Variants in NHLRC4 observed in about 807,000 individuals in gnomAD.
The protein encoded by NHLRC4 is NHL-repeat-containing protein 4.
For missense variants in NHLRC4, 158 were observed against 155.4 expected (o/e 1.02, Z -0.09); for synonymous variants, 73 against 69.0 (o/e 1.06, Z -0.29).
In NHLRC4 at chr16:567,038, C is replaced by A. The variant is rs1264056686; in HGVS notation, c.-615C>A. ...TTTCCAACAACAGAGGCTGCAGCCA[C>A]CCAGCCCCGAAGCAGGGCCCAGCGA... On this transcript the variant is annotated 5_prime_UTR_variant, in exon 1 of 2. Coordinates refer to ENST00000424439, the MANE Select transcript of NHLRC4 (RefSeq NM_001301159.2). 1 of 154,598 alleles carries A rather than the reference C, an allele frequency of 6.5e-6. No homozygotes were observed. Among genetic ancestry groups the A allele is most frequent in the Non-Finnish European group, 1.5e-5 (1 of 68,234 alleles). 9.6% of individuals were successfully genotyped at this position (154,598 alleles called of 1,614,324 possible).
rs2035568950 is a variant in NHLRC4 at position 568,478 on chromosome 16, T to G, written c.*59T>G. On this transcript the variant is annotated 3_prime_UTR_variant, in exon 2 of 2. Transcript: ENST00000424439. ...TGAGGCCAGCTCCCAGGCCCTTGGA[T>G]CACCGCGGGAGGAACCCTCAGGATG... 1.3e-6 allele frequency: 2 copies of G among 1,539,920 alleles called. No homozygotes were observed. The highest frequency in any genetic ancestry group is 1.8e-6 in the Non-Finnish European group (2 of 1,142,310).
rs2035578594 is a variant in NHLRC4, at chr16:569,139, G to GCA, written c.*721_*722dup. ...GCTCCATGCTGTTTGTCCTCCCAGT[G>GCA]CAGCCGTGCTGGGAGGGTCTGGGGG... On this transcript the variant is annotated 3_prime_UTR_variant, in exon 2 of 2. Transcript: ENST00000424439. The GCA allele has an allele frequency of 1.2e-5, 2 of 166,966 alleles. No homozygotes were observed. 10.3% of individuals were successfully genotyped at this position (166,966 alleles called of 1,614,324 possible). A position where few individuals can be genotyped will look rare whatever the true frequency, so the allele number is the denominator to read the frequency against.
rs957047873 is a variant in NHLRC4 at position 567,824 on chromosome 16, C to T, written c.-224C>T. On this transcript the variant is annotated 5_prime_UTR_variant, in exon 2 of 2. Coordinates refer to ENST00000424439, the MANE Select transcript of NHLRC4 (RefSeq NM_001301159.2). ...GTTCCAGAGGACGTGGCTGTGACAG[C>T]GTCAGGGCTTGTGGTGGTCAGCGAT... 8.5e-5 allele frequency: 45 copies of T among 528,864 alleles called. No homozygotes were observed. The highest frequency in any genetic ancestry group is 6.2e-4 in the African/African-American group (32 of 51,234). 32.8% of individuals were successfully genotyped at this position (528,864 alleles called of 1,614,324 possible).
rs1410572198 is a variant in NHLRC4, at chr16:568,285, C to T, written c.238C>T (p.Pro80Ser). Residue 80 changes from proline to serine, a missense_variant, in exon 2 of 2, where the codon CCA becomes TCA. Pro to Ser is a moderately conservative substitution (Grantham distance 74). Transcript: ENST00000424439. Reference sequence around the variant, plus strand: ...GGTGACCCTGTTTCCCCGGGCTGGGCCACCCATCTGCCTGGTGTCAGAGGG... The same window carrying T: ...GGTGACCCTGTTTCCCCGGGCTGGGTCACCCATCTGCCTGGTGTCAGAGGG... ...RQVTLFPRAG[P>S]PICLVSEGLG... The T allele has an allele frequency of 6.2e-7, 1 of 1,612,044 alleles. No homozygotes were observed. The highest frequency in any genetic ancestry group is 1.7e-5 in the Admixed American group (1 of 59,876).
chr16:567,617 T>C lies in NHLRC4; in HGVS notation c.-431T>C. Reference sequence around the variant, plus strand: ...GGAGACTCCACGGGCTCCCGGCAGCTCCGGCTGCTTGGGTGGATCCGGGTG... The same window carrying C: ...GGAGACTCCACGGGCTCCCGGCAGCCCCGGCTGCTTGGGTGGATCCGGGTG... On this transcript the variant is annotated 5_prime_UTR_variant, in exon 2 of 2. Transcript: ENST00000424439. 5.8e-6 allele frequency: 1 copy of C among 172,228 alleles called. No homozygotes were observed. The highest frequency in any genetic ancestry group is 1.3e-5 in the Non-Finnish European group (1 of 78,828). 10.7% of individuals were successfully genotyped at this position (172,228 alleles called of 1,614,324 possible).
rs548319383 is a variant in NHLRC4, at chr16:568,934, A to G, written c.*515A>G. On this transcript the variant is annotated 3_prime_UTR_variant, in exon 2 of 2. Coordinates refer to ENST00000424439, the MANE Select transcript of NHLRC4 (RefSeq NM_001301159.2). ...GGGGTGTGGCCCCTAAATGTCCCCA[A>G]CCTCAGAGGGACCTAGAGTCCTGAG... The G allele has an allele frequency of 4.9e-5, 8 of 164,466 alleles. No homozygotes were observed. Among genetic ancestry groups the G allele is most frequent in the Admixed American group, 1.7e-4 (3 of 17,414 alleles). 10.2% of individuals were successfully genotyped at this position (164,466 alleles called of 1,614,324 possible). A position where few individuals can be genotyped will look rare whatever the true frequency, so the allele number is the denominator to read the frequency against.
rs759591094 is a variant in NHLRC4, at chr16:568,110, T to G, written c.63T>G (p.Ser21Arg). The G allele has an allele frequency of 6.3e-7, 1 of 1,585,994 alleles. No homozygotes were observed. The highest frequency in any genetic ancestry group is 8.6e-7 in the Non-Finnish European group (1 of 1,165,810). ...GGCCTGATGGGGGCCTTGCTGTGAG[T>G]GAGGAGTTTGGGGATGTGAGGCTGT... ...GPGPDGGLAV[S>R]EEFGDVRLFG... The change falls in exon 2 of 2, where the codon AGT becomes AGG. Residue 21 changes from serine to arginine, a missense_variant. Coordinates refer to ENST00000424439, the MANE Select transcript of NHLRC4 (RefSeq NM_001301159.2).
Position 567,943 on chromosome 16 carries a change from C to A in NHLRC4, c.-105C>A. On this transcript the variant is annotated 5_prime_UTR_variant, in exon 2 of 2. The change creates a new upstream start codon in the 5' untranslated region. Transcript: ENST00000424439. ...GGGCACCTTCCTGTCTCCCCGAGGG[C>A]TGGCTGTGGATGCCCTCAACCGCCT... The A allele has an allele frequency of 1.6e-6, 2 of 1,249,578 alleles. No homozygotes were observed. The highest frequency in any genetic ancestry group is 2.2e-6 in the Non-Finnish European group (2 of 928,670). 77.4% of individuals were successfully genotyped at this position (1,249,578 alleles called of 1,614,324 possible). A position where few individuals can be genotyped will look rare whatever the true frequency, so the allele number is the denominator to read the frequency against.
Position 567,589 on chromosome 16 carries a change from C to G in NHLRC4, c.-459C>G, listed in dbSNP as rs1270274534. On this transcript the variant is annotated 5_prime_UTR_variant, in exon 2 of 2. Transcript: ENST00000424439. The stretch of plus-strand genomic sequence containing the variant: ...GTGTCTGCACCTCACACTGGACCCA[C>G]CTGGAGACTCCACGGGCTCCCGGCA... 1 of 168,530 alleles carries G rather than the reference C, an allele frequency of 5.9e-6. No homozygotes were observed. The highest frequency in any genetic ancestry group is 1.3e-5 in the Non-Finnish European group (1 of 76,342). 10.4% of individuals were successfully genotyped at this position (168,530 alleles called of 1,614,324 possible).
In NHLRC4 at chr16:568,469, G is replaced by A. The variant is rs2035568833; in HGVS notation, c.*50G>A. 6.4e-7 allele frequency: 1 copy of A among 1,563,554 alleles called. No homozygotes were observed. Among genetic ancestry groups the A allele is most frequent in the Non-Finnish European group, 8.7e-7 (1 of 1,155,508 alleles). On this transcript the variant is annotated 3_prime_UTR_variant, in exon 2 of 2. Transcript: ENST00000424439. Reference sequence around the variant, plus strand: ...TCCTGTGCCTGAGGCCAGCTCCCAGGCCCTTGGATCACCGCGGGAGGAACC... The same window carrying A: ...TCCTGTGCCTGAGGCCAGCTCCCAGACCCTTGGATCACCGCGGGAGGAACC...
Position 567,904 on chromosome 16 carries a change from C to A in NHLRC4, c.-144C>A. The A allele has an allele frequency of 1.2e-6, 1 of 859,648 alleles. No individual in the cohort carries two copies. Among genetic ancestry groups the A allele is most frequent in the Non-Finnish European group, 1.7e-6 (1 of 576,506 alleles). The allele number at this position is 859,648 out of a possible 1,614,324, so 53.3% of individuals were successfully genotyped here. On this transcript the variant is annotated 5_prime_UTR_variant, in exon 2 of 2. Coordinates refer to ENST00000424439, the MANE Select transcript of NHLRC4 (RefSeq NM_001301159.2). ...GCACACAGCCCGGGACCCCGGGGGCCACTGGGTGACAGTGGGCACCTTCCT... is the reference window on the plus strand; with the variant it reads ...GCACACAGCCCGGGACCCCGGGGGCAACTGGGTGACAGTGGGCACCTTCCT...
In NHLRC4 at chr16:569,311, G is replaced by A. The variant is rs1448840330; in HGVS notation, c.*892G>A. The A allele has an allele frequency of 6.0e-6, 1 of 167,112 alleles. No homozygotes were observed. Among genetic ancestry groups the A allele is most frequent in the Non-Finnish European group, 1.5e-5 (1 of 68,198 alleles). The allele number at this position is 167,112 out of a possible 1,614,324, so 10.4% of individuals were successfully genotyped here. Reference sequence around the variant, plus strand: ...TCCGTGGGTCTGGGGTCCAGGGAAGGGCCTGTATGGGGGAGGGAGCTGGGA... The same window carrying A: ...TCCGTGGGTCTGGGGTCCAGGGAAGAGCCTGTATGGGGGAGGGAGCTGGGA... On this transcript the variant is annotated 3_prime_UTR_variant, in exon 2 of 2. Transcript: ENST00000424439.
chr16:567,580 C>T lies in NHLRC4; in HGVS notation c.-468C>T, dbSNP rs775474514. On this transcript the variant is annotated 5_prime_UTR_variant, in exon 2 of 2. Transcript: ENST00000424439. Reference sequence around the variant, plus strand: ...GGCCTCCAGGTGTCTGCACCTCACACTGGACCCACCTGGAGACTCCACGGG... The same window carrying T: ...GGCCTCCAGGTGTCTGCACCTCACATTGGACCCACCTGGAGACTCCACGGG... The T allele has an allele frequency of 6.1e-6, 1 of 163,680 alleles. No homozygotes were observed. Among genetic ancestry groups the T allele is most frequent in the African/African-American group, 2.4e-5 (1 of 41,642 alleles). The allele number at this position is 163,680 out of a possible 1,614,324, so 10.1% of individuals were successfully genotyped here. A position where few individuals can be genotyped will look rare whatever the true frequency, so the allele number is the denominator to read the frequency against.
At position 567,050 on chromosome 16, in the gene NHLRC4, G is replaced by A. The variant is rs1298832991; in HGVS notation, c.-603G>A. On this transcript the variant is annotated 5_prime_UTR_variant, in exon 1 of 2. Transcript: ENST00000424439. ...GAGGCTGCAGCCACCCAGCCCCGAAGCAGGGCCCAGCGAGACAGGGCCCAG... is the reference window on the plus strand; with the variant it reads ...GAGGCTGCAGCCACCCAGCCCCGAAACAGGGCCCAGCGAGACAGGGCCCAG... The A allele has an allele frequency of 6.5e-6, 1 of 154,580 alleles. No individual in the cohort carries two copies. Among genetic ancestry groups the A allele is most frequent in the Non-Finnish European group, 1.5e-5 (1 of 68,222 alleles). 9.6% of individuals were successfully genotyped at this position (154,580 alleles called of 1,614,324 possible).
chr16:568,153 C>A lies in NHLRC4; in HGVS notation c.106C>A (p.Pro36Thr), dbSNP rs769198266. ...GAGGCTGTTTGGCAGTGCCCGCCAA[C>A]CCCTGGGCTCCCTGGGGGGCTGGAC... ...DVRLFGSARQ[P>T]LGSLGGWTGH... is the part of the protein sequence containing the mutation. The change falls in exon 2 of 2, where the codon CCC becomes ACC. Residue 36 changes from proline (P) to threonine (T), a missense_variant. Physicochemically the swap from Pro to Thr is conservative, Grantham distance 38 (BLOSUM62 -1). Transcript: ENST00000424439. The A allele has an allele frequency of 1.9e-6, 3 of 1,609,936 alleles. No individual in the cohort carries two copies. The highest frequency in any genetic ancestry group is 2.5e-6 in the Non-Finnish European group (3 of 1,178,678).
At position 568,191 on chromosome 16, in the gene NHLRC4, CGGCTGCCCAGCG is replaced by C. The variant is rs757423021; in HGVS notation, c.148_159del (p.Cys50_Gly53del). The C allele has an allele frequency of 1.9e-6, 3 of 1,611,490 alleles. No homozygotes were observed. Among genetic ancestry groups the C allele is most frequent in the Non-Finnish European group, 2.5e-6 (3 of 1,179,354 alleles). ...TGGGGGGCTGGACGGGGCACACTTT[CGGCTGCCCAGCG>C]GGCATCTGCTCCAACTCAGAGGGCA... On this transcript the variant is annotated inframe_deletion, in exon 2 of 2. Transcript: ENST00000424439.
At position 568,601 on chromosome 16, in the gene NHLRC4, G is replaced by A. The variant is rs569480913; in HGVS notation, c.*182G>A. On this transcript the variant is annotated 3_prime_UTR_variant, in exon 2 of 2. Transcript: ENST00000424439. ...CGAGTTCTCCTGCTGGTGAGGCTCC[G>A]GATCTCAGGAGCAGCCCTGAGTCTG... 2.6e-5 allele frequency: 18 copies of A among 689,098 alleles called. No homozygotes were observed. Among genetic ancestry groups the A allele is most frequent in the South Asian group, 1.8e-4 (9 of 50,678 alleles). The allele number at this position is 689,098 out of a possible 1,614,324, so 42.7% of individuals were successfully genotyped here.
chr16:567,126 C>T (rs567781980), intron 1 of NHLRC4, 51 bp downstream of exon 1: 37 of 153,498 alleles, frequency 2.4e-4, no homozygotes, highest in African/African-American at 8.5e-4. Context: ...TGGAGGCCCT[C>T]GGAATAGGCT....
Position 568,230 on chromosome 16 carries a change from T to A in NHLRC4, c.183T>A (p.Asn61Lys). 1 of 1,612,278 alleles carries A rather than the reference T, an allele frequency of 6.2e-7. No homozygotes were observed. The change falls in exon 2 of 2, where the codon AAT becomes AAA. Residue 61 changes from asparagine (N) to lysine (K), a missense_variant. Transcript: ENST00000424439. ...PAGICSNSEG[N>K]VIVADEQRRQ... ...GCATCTGCTCCAACTCAGAGGGCAA[T>A]GTTATTGTGGCAGACGAGCAGAGGC...
Sources: allele counts gnomAD v4.1 joint callset, GRCh38; gene constraint gnomAD v4.1.1; transcripts MANE v1.5; gene names NCBI Gene and HGNC (gene_info 2026-07-23, HGNC 2026-07-21).